Variants in MYO1B observed in about 807,000 individuals in gnomAD.
MYO1B encodes unconventional myosin-Ib.
MYO1B carries 72 observed loss-of-function variants against 159.7 expected under a neutral mutation model. That is an observed-to-expected ratio of 0.45 (90% CI 0.37 to 0.55). The LOEUF is 0.55. Among genes scored for constraint, MYO1B ranks in the 20% least tolerant of loss-of-function variants. The pLI is 0.00. For synonymous variants in MYO1B, 468 were observed against 473.8 expected (o/e 0.99, Z 0.16); for missense variants, 1,062 against 1,364.8 (o/e 0.78, Z 3.50).
At chr2:191,406,956 T>C (rs1485847056) in intron 24 of MYO1B, among the ~76,000 whole-genome samples, 1 of 152,138 alleles carries the variant, frequency 6.6e-6, no homozygotes, top group Admixed American at 6.5e-5. Context: ...AGGGACCAGG[T>C]TGGTCGTACA....
intron 24 of MYO1B, among the ~76,000 whole-genome samples, chr2:191,406,751 GA>G (rs1358289574): frequency 6.6e-6 from 1 of 152,184 alleles, no homozygotes; most frequent in Non-Finnish European, 1.5e-5. Context: ...CATGCTGTTG[GA>G]AAAATGGTGC....
intron 30 of MYO1B, 68 bp from the exon 31 acceptor site, chr2:191,423,769 A>C (rs1315740880): frequency 6.6e-7 from 1 of 1,522,552 alleles, no homozygotes; most frequent in Non-Finnish European, 8.9e-7. Flanking sequence ...TAAAATACAA[A>C]AGCAAGTGTT....
Position 191,272,733 on chromosome 2 carries a change from C to T in MYO1B, c.-9-4154C>T, listed in dbSNP as rs1687527068. Among the ~76,000 whole-genome samples the T allele has an allele frequency of 2.0e-5, 3 of 152,094 alleles. No individual in the cohort carries two copies. In the South Asian group the frequency reaches 6.2e-4, roughly 32 times the overall value. On this transcript the variant is annotated intron_variant, in intron 1 of 30. Coordinates refer to ENST00000392318, the MANE Select transcript of MYO1B (RefSeq NM_001130158.3). ...TGGCATCTTGAATTTTTTTCAAATT[C>T]TCTAATGCCACAGGCATAAAGGTCC...
At chr2:191,291,195 A>G (rs1688667154) in intron 2 of MYO1B, among the ~76,000 whole-genome samples, 1 of 152,180 alleles carries the variant, frequency 6.6e-6, no homozygotes, top group Admixed American at 6.5e-5. Flanking sequence ...GCTAGATTGA[A>G]TGTCCTCCAG....
intron 4 of MYO1B, among the ~76,000 whole-genome samples, chr2:191,336,301 T>C (rs538731613): frequency 6.6e-6 from 1 of 152,320 alleles, no homozygotes; most frequent in African/African-American, 2.4e-5. Flanking sequence ...TCTGCAGTGG[T>C]TCTCCAACTG....
In MYO1B at chr2:191,387,347, G is replaced by A. The variant is rs772734702; in HGVS notation, c.1678G>A (p.Ala560Thr). 5 of 1,614,108 alleles carry A rather than the reference G, an allele frequency of 3.1e-6. No individual in the cohort carries two copies. The highest frequency in any genetic ancestry group is 3.3e-5 in the Admixed American group (2 of 60,016). The change falls in exon 17 of 31, where the codon GCC becomes ACC. Residue 560 changes from alanine to threonine, a missense_variant. Ala to Thr is a moderately conservative substitution (Grantham distance 58, BLOSUM62 0). Coordinates refer to ENST00000392318, the MANE Select transcript of MYO1B (RefSeq NM_001130158.3). The stretch of plus-strand genomic sequence containing the variant: ...GTCTTTGTTCCCCGAAGGGAATCCC[G>A]CCAAGATCAACCTGAAAAGGCCTCC... ...IKSLFPEGNPAKINLKRPPTA... is the reference protein window; with the variant it reads ...IKSLFPEGNPTKINLKRPPTA...
intron 11 of MYO1B, among the ~76,000 whole-genome samples, chr2:191,365,291 C>T (rs1269584390): frequency 1.3e-5 from 2 of 152,214 alleles, no homozygotes. Flanking sequence ...GTCTCATCCT[C>T]ATAACTATCC....
In MYO1B at chr2:191,385,943, T is replaced by G; in HGVS notation, c.1413T>G (p.Thr471=). Residue 471 remains threonine, a synonymous_variant, in exon 16 of 31, where the codon ACT becomes ACG. Transcript: ENST00000392318. ...DEECLRPGTV[T]DETFLEKLNQ... ...AGTGCCTCAGACCTGGCACAGTCAC[T>G]GATGAGACCTTCTTAGAAAAGCTGA... The G allele has an allele frequency of 6.2e-7, 1 of 1,614,196 alleles. No individual in the cohort carries two copies.
intron 4 of MYO1B, among the ~76,000 whole-genome samples, chr2:191,335,167 G>A (rs541365748): frequency 4.6e-5 from 7 of 152,278 alleles, no homozygotes; most frequent in East Asian, 1.9e-4. Context: ...GCTCCTGAGA[G>A]TGGTTCATTT....
chr2:191,419,551 A>G (rs58783891), intron 30 of MYO1B, among the ~76,000 whole-genome samples: 2,397 of 152,268 alleles, frequency 0.016, 62 homozygotes, highest in African/African-American at 0.054. Context: ...TTTAGCGTGT[A>G]TGCCTACATG....
Position 191,407,047 on chromosome 2 carries a change from G to T in MYO1B, c.2557-1068G>T, listed in dbSNP as rs186371839. Among the ~76,000 whole-genome samples the T allele has an allele frequency of 5.3e-5, 8 of 152,284 alleles. No individual in the cohort carries two copies. In the East Asian group the frequency reaches 1.2e-3, roughly 22 times the overall value. ...TGGAGCGTGCATGCCTCATCTAAAG[G>T]CAACAGCAGCTACTTTGGTCTCCCT... On this transcript the variant is annotated intron_variant, in intron 24 of 30. Coordinates refer to ENST00000392318, the MANE Select transcript of MYO1B (RefSeq NM_001130158.3).
chr2:191,330,801 T>A (rs577466393), intron 4 of MYO1B, among the ~76,000 whole-genome samples: 1 of 152,218 alleles, frequency 6.6e-6, no homozygotes, highest in Non-Finnish European at 1.5e-5. Flanking sequence ...TGTAAAATGC[T>A]TTTGTTTTAT....
At chr2:191,400,867 C>A (rs1284595144) in intron 23 of MYO1B, 32 bp downstream of exon 23, 1 of 1,597,406 alleles carries the variant, frequency 6.3e-7, no homozygotes. Flanking sequence ...ACACTCCATC[C>A]TGGAATTCTG....
chr2:191,328,711 T>G (rs528819378), intron 3 of MYO1B, among the ~76,000 whole-genome samples: 20 of 152,316 alleles, frequency 1.3e-4, no homozygotes, highest in Admixed American at 1.1e-3. Flanking sequence ...TATCCTCTCT[T>G]CATTATGCTT....
At chr2:191,302,894 G>A (rs1263647392) in intron 3 of MYO1B, among the ~76,000 whole-genome samples, 1 of 152,184 alleles carries the variant, frequency 6.6e-6, no homozygotes, top group Non-Finnish European at 1.5e-5. Flanking sequence ...AATGTCAGTT[G>A]TCCAGAAGTG....
chr2:191,328,819 T>C (rs1231173652), intron 3 of MYO1B, among the ~76,000 whole-genome samples: 1 of 152,202 alleles, frequency 6.6e-6, no homozygotes, highest in African/African-American at 2.4e-5. Context: ...TTTGTCTTGC[T>C]CATTCATTCT....
chr2:191,340,605 A>G (rs1244169102), intron 4 of MYO1B, among the ~76,000 whole-genome samples: 2 of 152,182 alleles, frequency 1.3e-5, no homozygotes, highest in African/African-American at 2.4e-5. Flanking sequence ...TATTAAGACT[A>G]CCATGTCTGG....
chr2:191,371,447 T>C (rs1472381076), intron 13 of MYO1B, among the ~76,000 whole-genome samples: 3 of 152,202 alleles, frequency 2.0e-5, no homozygotes, highest in Non-Finnish European at 4.4e-5. Flanking sequence ...CTGTGGTAAG[T>C]GGTGTGTGTA....
chr2:191,324,216 T>A (rs1439331338), intron 3 of MYO1B, among the ~76,000 whole-genome samples: 5 of 152,174 alleles, frequency 3.3e-5, no homozygotes, highest in Non-Finnish European at 5.9e-5. Flanking sequence ...GCCTTTTAAT[T>A]GCAGTATTTT....
Sources: gnomAD v4.1 joint callset for allele counts (sites outside exome capture counted in the v4.1 genomes callset) on GRCh38, gnomAD v4.1.1 for gene constraint, MANE v1.5 for transcripts, NCBI Gene and HGNC (gene_info 2026-07-23, HGNC 2026-07-21) for gene names.